Variants in FOXK1 observed in about 807,000 individuals in gnomAD.
FOXK1 encodes the protein forkhead box protein K1.
Under a neutral mutation model 51.9 loss-of-function variants are expected in FOXK1, and 19 were observed. That is an observed-to-expected ratio of 0.37 (90% CI 0.26 to 0.54). The LOEUF (loss-of-function observed/expected upper bound fraction) is 0.54. Among genes scored for constraint, FOXK1 ranks in the 20% least tolerant of loss-of-function variants. FOXK1 has a pLI of 0.87. For synonymous variants in FOXK1, 537 were observed against 482.6 expected (o/e 1.11, Z -1.48); for missense variants, 870 against 1,032.7 (o/e 0.84, Z 2.16).
intron 1 of FOXK1, among the ~76,000 whole-genome samples, chr7:4,685,805 T>C (rs1286823018): frequency 6.6e-6 from 1 of 151,870 alleles, no homozygotes; most frequent in Non-Finnish European, 1.5e-5. Context: ...TAGCTTGGCG[T>C]GGTGGATCAC....
intron 1 of FOXK1, among the ~76,000 whole-genome samples, chr7:4,720,482 T>A (rs1296014488): frequency 1.3e-5 from 2 of 152,204 alleles, no homozygotes; most frequent in Non-Finnish European, 2.9e-5. Flanking sequence ...TCATTCTGTG[T>A]GAGCCCATTC....
rs897143512 is a variant in FOXK1, at chr7:4,722,542, T to C, written c.561-18296T>C. On this transcript the variant is annotated intron_variant, in intron 1 of 8. Coordinates refer to ENST00000328914, the MANE Select transcript of FOXK1 (RefSeq NM_001037165.2). The surrounding 1 kb of genome is among the most constrained non-coding windows in gnomAD (Gnocchi z 5.1). ...CAGCGTGCTGGGACGGGTACACTCGTGCCTGTTAACCGCACACCTGCGTGC... is the reference window on the plus strand; with the variant it reads ...CAGCGTGCTGGGACGGGTACACTCGCGCCTGTTAACCGCACACCTGCGTGC... Among the ~76,000 whole-genome samples, 1 of 152,226 alleles carries C rather than the reference T, an allele frequency of 6.6e-6. No homozygotes were observed. Among genetic ancestry groups the C allele is most frequent in the Non-Finnish European group, 1.5e-5 (1 of 68,046 alleles).
intron 2 of FOXK1, among the ~76,000 whole-genome samples, chr7:4,750,121 A>C (rs554505999): frequency 6.6e-6 from 1 of 152,248 alleles, no homozygotes; most frequent in South Asian, 2.1e-4. Context: ...CCTCCATATA[A>C]AGGAAGCAAA....
In FOXK1 at chr7:4,740,714, C is replaced by G. The variant is rs1453504878; in HGVS notation, c.561-124C>G. ...CTGATAAAAGCATCGAAACTGCTCT[C>G]TGGGGCCCAGGTTTGAGAGTTACGG... On this transcript the variant is annotated intron_variant, in intron 1 of 8. Coordinates refer to ENST00000328914, the MANE Select transcript of FOXK1 (RefSeq NM_001037165.2). 10 of 970,018 alleles carry G rather than the reference C, an allele frequency of 1.0e-5. No individual in the cohort carries two copies. In the Admixed American group the frequency reaches 2.9e-4, roughly 28 times the overall value. The allele number at this position is 970,018 out of a possible 1,614,324, so 60.1% of individuals were successfully genotyped here. A position where few individuals can be genotyped will look rare whatever the true frequency, so the allele number is the denominator to read the frequency against.
chr7:4,696,449 G>A lies in FOXK1; in HGVS notation c.560+13581G>A, dbSNP rs997643545. ...GGTGTGTGCGCGTGACATGTCTGTC[G>A]TCTACCCGTCACACGGTTGTACCAG... On this transcript the variant is annotated intron_variant, in intron 1 of 8. Coordinates refer to ENST00000328914, the MANE Select transcript of FOXK1 (RefSeq NM_001037165.2). Among the ~76,000 whole-genome samples the A allele has an allele frequency of 2.6e-5, 4 of 152,134 alleles. 1 individual carries two copies. Among genetic ancestry groups the A allele is most frequent in the Non-Finnish European group, 5.9e-5 (4 of 68,018 alleles).
At chr7:4,696,841 G>A (rs1779957999) in intron 1 of FOXK1, among the ~76,000 whole-genome samples, 1 of 152,218 alleles carries the variant, frequency 6.6e-6, no homozygotes, top group African/African-American at 2.4e-5. Context: ...GCTGAGGTGG[G>A]TGGATCACTT....
At chr7:4,705,550 T>TCTCTCTCTCTCG (rs1562372666) in intron 1 of FOXK1, among the ~76,000 whole-genome samples, 20 of 149,374 alleles carry the variant, frequency 1.3e-4, no homozygotes, top group Middle Eastern at 3.4e-3. Context: ...TCTCTCTCTC[T>TCTCTCTCTCTCG]CTCTCTCTCG....
At chr7:4,700,279 G>T (rs1780005015) in intron 1 of FOXK1, among the ~76,000 whole-genome samples, 1 of 152,182 alleles carries the variant, frequency 6.6e-6, no homozygotes, top group Admixed American at 6.5e-5. Context: ...TTGGCACTTT[G>T]TAAATATTTG....
chr7:4,698,123 C>T (rs1297271799), intron 1 of FOXK1, among the ~76,000 whole-genome samples: 3 of 152,094 alleles, frequency 2.0e-5, no homozygotes, highest in South Asian at 4.2e-4. Flanking sequence ...CTGTGCCCAG[C>T]CCTAATTTGT....
At chr7:4,702,467 G>A (rs1269749287) in intron 1 of FOXK1, among the ~76,000 whole-genome samples, 2 of 151,864 alleles carry the variant, frequency 1.3e-5, no homozygotes, top group Non-Finnish European at 2.9e-5. Context: ...CTCAGCCTCC[G>A]GAGTAGCTGG....
rs1437849062 is a variant in FOXK1, at chr7:4,722,823, C to T, written c.561-18015C>T. Among the ~76,000 whole-genome samples, 1 of 152,176 alleles carries T rather than the reference C, an allele frequency of 6.6e-6. No individual in the cohort carries two copies. Among genetic ancestry groups the T allele is most frequent in the Non-Finnish European group, 1.5e-5 (1 of 68,032 alleles). On this transcript the variant is annotated intron_variant, in intron 1 of 8. Transcript: ENST00000328914. This position sits in a 1 kb window ranked among gnomAD's most constrained non-coding sequence, Gnocchi z 5.1. ...AGGCCTCCACAGCCCTCTGCTGTGT[C>T]TGTGCACCTTCTCCATCCCTCTCTC...
At position 4,682,731 on chromosome 7, in the gene FOXK1, C is replaced by T. The variant is rs748492252; in HGVS notation, c.423C>T (p.Ser141=). 27 of 1,604,522 alleles carry T rather than the reference C, an allele frequency of 1.7e-5. No homozygotes were observed. The highest frequency in any genetic ancestry group is 2.0e-4 in the Middle Eastern group (1 of 5,090). ...CGGTGGACTTGAGCATGGGCCTGTC[C>T]AGCTTCATCTCGCGGCGCCACCTGC... The part of the protein sequence containing the change: ...QGSVDLSMGL[S]SFISRRHLQL... Residue 141 remains serine (S), a synonymous_variant, in exon 1 of 9, where the codon TCC becomes TCT. Transcript: ENST00000328914. The surrounding 1 kb of genome is among the most constrained non-coding windows in gnomAD (Gnocchi z 7.6).
rs1431033866 is a variant in FOXK1, at chr7:4,711,285, G to GT, written c.560+28417_560+28418insT. ...AGGGTGGGAAGGCTGAGTGTCCTGG[G>GT]AAGCGTCCATGGGATGTATCAGTCA... On this transcript the variant is annotated intron_variant, in intron 1 of 8. Coordinates refer to ENST00000328914, the MANE Select transcript of FOXK1 (RefSeq NM_001037165.2). The surrounding 1 kb of genome is among the most constrained non-coding windows in gnomAD (Gnocchi z 6.3). Among the ~76,000 whole-genome samples, 1 of 152,160 alleles carries GT rather than the reference G, an allele frequency of 6.6e-6. No individual in the cohort carries two copies. The highest frequency in any genetic ancestry group is 1.5e-5 in the Non-Finnish European group (1 of 68,034).
Position 4,747,930 on chromosome 7 carries a change from C to G in FOXK1, c.747-6529C>G, listed in dbSNP as rs113546305. ...GTCCGGTCACGGCTCGCTGCAGCCT[C>G]GACCTCCGGGACTCAAGCGATCCTC... On this transcript the variant is annotated intron_variant, in intron 2 of 8. Transcript: ENST00000328914. This position sits in a 1 kb window ranked among gnomAD's most constrained non-coding sequence, Gnocchi z 9.2. 0.035 allele frequency among the ~76,000 whole-genome samples: 5,300 copies of G among 152,168 alleles called. 128 individuals carry two copies. The highest frequency in any genetic ancestry group is 0.069 in the African/African-American group (2,849 of 41,498).
chr7:4,739,163 C>T (rs1421876181), intron 1 of FOXK1, among the ~76,000 whole-genome samples: 1 of 152,158 alleles, frequency 6.6e-6, no homozygotes, highest in Non-Finnish European at 1.5e-5. Flanking sequence ...GGCATAGACC[C>T]AGCAGCCTGG....
rs892514062 is a variant in FOXK1 at position 4,769,656 on chromosome 7, G to C, written c.*7192G>C. The C allele has an allele frequency of 6.6e-6, 1 of 152,136 alleles. No homozygotes were observed. The highest frequency in any genetic ancestry group is 1.5e-5 in the Non-Finnish European group (1 of 68,060). 9.4% of individuals were successfully genotyped at this position (152,136 alleles called of 1,614,324 possible). Reference sequence around the variant, plus strand: ...GAGTGTTACCATGTTGGTCAGGCTGGTCTTGAACTCCTGACCTCAGGTGAT... The same window carrying C: ...GAGTGTTACCATGTTGGTCAGGCTGCTCTTGAACTCCTGACCTCAGGTGAT... On this transcript the variant is annotated 3_prime_UTR_variant, in exon 9 of 9. Coordinates refer to ENST00000328914, the MANE Select transcript of FOXK1 (RefSeq NM_001037165.2). This position sits in a 1 kb window ranked among gnomAD's most constrained non-coding sequence, Gnocchi z 4.1.
rs1409533469 is a variant in FOXK1 at position 4,759,587 on chromosome 7, A to C, written c.1688A>C (p.Glu563Ala). Residue 563 changes from glutamate to alanine, a missense_variant, in exon 7 of 9, where the codon GAG becomes GCG. Coordinates refer to ENST00000328914, the MANE Select transcript of FOXK1 (RefSeq NM_001037165.2). Reference protein sequence around the residue: ...AGAAVLDLGSEARGLEEKPTI... With the variant: ...AGAAVLDLGSAARGLEEKPTI... ...GCAGCCGTGCTGGACCTGGGCAGCG[A>C]GGCCAGAGGTAATGCAGCCGCGGCT... 1 of 1,535,898 alleles carries C rather than the reference A, an allele frequency of 6.5e-7. No individual in the cohort carries two copies. The highest frequency in any genetic ancestry group is 8.7e-7 in the Non-Finnish European group (1 of 1,146,464).
rs2115041374 is a variant in FOXK1, at chr7:4,711,362, A to G, written c.560+28494A>G. ...GCCCAGAGTGGAAGGGCTTCCTGTG[A>G]GAGGGTGTGGCAGTCCGGGGGTGGG... On this transcript the variant is annotated intron_variant, in intron 1 of 8. Coordinates refer to ENST00000328914, the MANE Select transcript of FOXK1 (RefSeq NM_001037165.2). The surrounding 1 kb of genome is among the most constrained non-coding windows in gnomAD (Gnocchi z 6.3). 6.6e-6 allele frequency among the ~76,000 whole-genome samples: 1 copy of G among 152,206 alleles called. No individual in the cohort carries two copies.
At chr7:4,701,340 G>C (rs1780019374) in intron 1 of FOXK1, among the ~76,000 whole-genome samples, 1 of 152,190 alleles carries the variant, frequency 6.6e-6, no homozygotes, top group Admixed American at 6.5e-5. Context: ...AAAACTTAGG[G>C]AGGACACTGA....
Sources: allele counts gnomAD v4.1 joint callset (sites outside exome capture counted in the v4.1 genomes callset), GRCh38; gene constraint gnomAD v4.1.1; non-coding constraint Gnocchi (gnomAD v3.1); transcripts MANE v1.5; gene names NCBI Gene and HGNC (gene_info 2026-07-23, HGNC 2026-07-21).